The following KLF8 variants were observed in gnomAD, a reference collection of about 807,000 sequenced individuals.
The protein encoded by KLF8 is KLF transcription factor 8.
A neutral mutation model predicts 18.2 loss-of-function variants in KLF8; 10 were observed. That is an observed-to-expected ratio of 0.55 (90% CI 0.34 to 0.93). The LOEUF (loss-of-function observed/expected upper bound fraction) is 0.93. Ranked by LOEUF, KLF8 falls within the 40% of genes least tolerant of loss-of-function variation. The pLI, the probability that KLF8 is intolerant of heterozygous loss-of-function variation, is 0.02. For synonymous variants in KLF8, 109 were observed against 97.3 expected (o/e 1.12, Z -0.71); for missense variants, 264 against 277.9 (o/e 0.95, Z 0.36).
intron 3 of KLF8, chrX:56,266,893 G>T: frequency 4.0e-6 from 3 of 753,843 alleles, no homozygotes; most frequent in Non-Finnish European, 4.7e-6. Context: ...CTCTGCACTG[G>T]TCTTCTGAAT....
At chrX:55,989,921 T>A in the KLF8 span, among the ~76,000 whole-genome samples, 1 of 111,197 alleles carries the variant, frequency 9.0e-6, no homozygotes, top group Non-Finnish European at 1.9e-5. Flanking sequence ...TTCTTCCTGG[T>A]TTAGTCTTGG....
At chrX:56,028,798 C>T in the KLF8 span, among the ~76,000 whole-genome samples, 1 of 110,860 alleles carries the variant, frequency 9.0e-6, no homozygotes. Flanking sequence ...AAAGAAGGCA[C>T]CCTTCAAGTC....
the KLF8 span, among the ~76,000 whole-genome samples, chrX:55,991,007 A>G: frequency 6.2e-5 from 7 of 112,209 alleles, no homozygotes; most frequent in Middle Eastern, 0.023. Flanking sequence ...TGCTGGGAGA[A>G]CCACTACTCT....
the KLF8 span, among the ~76,000 whole-genome samples, chrX:55,937,717 C>G: frequency 8.9e-6 from 1 of 112,256 alleles, no homozygotes; most frequent in Non-Finnish European, 1.9e-5. Context: ...ATGAGAACTA[C>G]GTGATGAATG....
chrX:56,238,299 A>G (rs2066502762), intron 1 of KLF8, among the ~76,000 whole-genome samples: 1 of 111,392 alleles, frequency 9.0e-6, no homozygotes. Context: ...AACATGGTAA[A>G]ACCCCATCTA....
At chrX:55,925,469 C>A in the KLF8 span, among the ~76,000 whole-genome samples, 1 of 110,991 alleles carries the variant, frequency 9.0e-6, no homozygotes, top group Non-Finnish European at 1.9e-5. Flanking sequence ...AGCAACAATA[C>A]CATCTGTTGC....
chrX:56,055,346 G>T, the KLF8 span, among the ~76,000 whole-genome samples: 3 of 111,538 alleles, frequency 2.7e-5, no homozygotes, highest in Non-Finnish European at 5.7e-5. Flanking sequence ...GCTTAGTTTG[G>T]CTATATATGA....
At chrX:55,949,119 A>G in the KLF8 span, among the ~76,000 whole-genome samples, 1 of 112,066 alleles carries the variant, frequency 8.9e-6, no homozygotes, top group African/African-American at 3.2e-5. Flanking sequence ...CAAGGCAAAT[A>G]CATCAAGACA....
the KLF8 span, among the ~76,000 whole-genome samples, chrX:56,221,277 G>T: frequency 8.9e-6 from 1 of 111,844 alleles, no homozygotes; most frequent in Non-Finnish European, 1.9e-5. Context: ...TCCTACTTCG[G>T]TCATGATTAG....
chrX:55,970,536 G>A, the KLF8 span, among the ~76,000 whole-genome samples: 2 of 111,781 alleles, frequency 1.8e-5, no homozygotes, highest in East Asian at 5.6e-4. Flanking sequence ...TTTCACCACT[G>A]TTATTCAACG....
the KLF8 span, among the ~76,000 whole-genome samples, chrX:55,911,836 A>C: frequency 8.9e-6 from 1 of 112,058 alleles, no homozygotes; most frequent in Non-Finnish European, 1.9e-5. Flanking sequence ...GTAGGTGTGC[A>C]TGTTAGATGT....
the KLF8 span, among the ~76,000 whole-genome samples, chrX:55,914,864 T>A: frequency 9.0e-6 from 1 of 111,522 alleles, no homozygotes; most frequent in Non-Finnish European, 1.9e-5. Flanking sequence ...TTATTTTTTA[T>A]AAGCACGATA....
the KLF8 span, among the ~76,000 whole-genome samples, chrX:56,197,637 A>G: frequency 8.9e-6 from 1 of 112,146 alleles, no homozygotes; most frequent in South Asian, 3.7e-4. Flanking sequence ...AGATGGATTC[A>G]CAGCTGAATT....
chrX:56,034,420 T>C, the KLF8 span, among the ~76,000 whole-genome samples: 1 of 112,198 alleles, frequency 8.9e-6, no homozygotes, highest in African/African-American at 3.2e-5. Flanking sequence ...AATATAGCCT[T>C]CTAATATAAT....
the KLF8 span, among the ~76,000 whole-genome samples, chrX:55,994,448 T>G: frequency 1.8e-5 from 2 of 110,058 alleles, no homozygotes; most frequent in Non-Finnish European, 3.8e-5. Context: ...TTTTGTTATT[T>G]TTTTTTTTTT....
the KLF8 span, among the ~76,000 whole-genome samples, chrX:56,173,016 A>T: frequency 9.0e-6 from 1 of 111,674 alleles, no homozygotes; most frequent in East Asian, 2.8e-4. Flanking sequence ...GTCAGATGAG[A>T]ACATTGCAAA....
chrX:56,213,653 T>G, the KLF8 span, among the ~76,000 whole-genome samples: 1 of 111,024 alleles, frequency 9.0e-6, no homozygotes, highest in African/African-American at 3.3e-5. Context: ...GGGTCATAGA[T>G]GTAAGCATTA....
the KLF8 span, among the ~76,000 whole-genome samples, chrX:56,212,088 C>T: frequency 2.7e-5 from 3 of 111,358 alleles, no homozygotes; most frequent in African/African-American, 6.5e-5. Context: ...TTCTGGCCCA[C>T]GATGTGTCTA....
Position 56,287,503 on chromosome X carries a change from C to T in KLF8, c.*3009C>T, listed in dbSNP as rs1241994476. On this transcript the variant is annotated 3_prime_UTR_variant, in exon 6 of 6. Transcript: ENST00000468660. ...GTTTACAACAGCAAAGCACCGTTAG[C>T]CTGGACAGTTGCTTATGGCATCGAT... The T allele has an allele frequency of 8.9e-6, 1 of 111,977 alleles. No individual in the cohort carries two copies. The highest frequency in any genetic ancestry group is 9.5e-5 in the Admixed American group (1 of 10,562). The allele number at this position is 111,977 out of a possible 1,213,427, so 9.2% of individuals were successfully genotyped here.
Sources: gnomAD v4.1 joint callset for allele counts (sites outside exome capture counted in the v4.1 genomes callset) on GRCh38, gnomAD v4.1.1 for gene constraint, MANE v1.5 for transcripts, NCBI Gene and HGNC (gene_info 2026-07-23, HGNC 2026-07-21) for gene names.